Variants in CCDC91 observed in about 807,000 individuals in gnomAD.
The protein encoded by CCDC91 is coiled-coil domain containing 91.
In CCDC91, 48 loss-of-function variants were observed where a neutral mutation model predicts 63.2. The ratio of observed to expected loss-of-function variants is 0.76; its 90% CI spans 0.60 to 0.97. The LOEUF is 0.97. Among genes scored for constraint, CCDC91 ranks in the 50% least tolerant of loss-of-function variants. The pLI, the probability that CCDC91 is intolerant of heterozygous loss-of-function variation, is 0.00. For synonymous variants in CCDC91, 167 were observed against 165.8 expected (o/e 1.01, Z -0.06); for missense variants, 500 against 494.6 (o/e 1.01, Z -0.10).
At chr12:28,519,426 CTG>C (rs1048026487) in intron 12 of CCDC91, among the ~76,000 whole-genome samples, 3 of 151,902 alleles carry the variant, frequency 2.0e-5, no homozygotes, top group African/African-American at 4.8e-5. Flanking sequence ...GATCTGGAAA[CTG>C]TTGACTTTTG....
intron 12 of CCDC91, among the ~76,000 whole-genome samples, chr12:28,488,196 A>C (rs140421218): frequency 9.4e-4 from 143 of 151,946 alleles, no homozygotes; most frequent in African/African-American, 3.3e-3. Flanking sequence ...ACCAATTTTT[A>C]TGTGTGAAAT....
At chr12:28,405,617 A>G (rs1946888342) in intron 8 of CCDC91, among the ~76,000 whole-genome samples, 1 of 152,176 alleles carries the variant, frequency 6.6e-6, no homozygotes, top group Non-Finnish European at 1.5e-5. Flanking sequence ...GCCTCAGCTT[A>G]AAGGTACTCA....
chr12:28,411,490 T>G (rs1300280063), intron 8 of CCDC91, among the ~76,000 whole-genome samples: 3 of 152,152 alleles, frequency 2.0e-5, no homozygotes, highest in East Asian at 3.8e-4. Flanking sequence ...TCTATTATGT[T>G]TAGAGGAAAA....
chr12:28,266,596 C>T (rs192418386), intron 3 of CCDC91, among the ~76,000 whole-genome samples: 67 of 151,908 alleles, frequency 4.4e-4, no homozygotes, highest in Admixed American at 1.6e-3. Flanking sequence ...TTGTCTTTTT[C>T]GGTATCTTTT....
At chr12:28,203,629 G>A (rs1480615505) in intron 1 of CCDC91, among the ~76,000 whole-genome samples, 1 of 152,108 alleles carries the variant, frequency 6.6e-6, no homozygotes, top group African/African-American at 2.4e-5. Flanking sequence ...AATTTAGGGA[G>A]GTGTCTGCAG....
chr12:28,424,054 A>G (rs1421244920), intron 8 of CCDC91, among the ~76,000 whole-genome samples: 2 of 152,064 alleles, frequency 1.3e-5, no homozygotes, highest in Admixed American at 1.3e-4. Flanking sequence ...CAGCCTTCCA[A>G]GTAGCTGGGA....
At chr12:28,465,671 A>C (rs1950516010) in intron 11 of CCDC91, among the ~76,000 whole-genome samples, 1 of 152,154 alleles carries the variant, frequency 6.6e-6, no homozygotes, top group African/African-American at 2.4e-5. Flanking sequence ...GTTCCTTTCA[A>C]ATATTTGGAA....
chr12:28,434,469 A>C (rs568513917), intron 8 of CCDC91, among the ~76,000 whole-genome samples: 3 of 151,388 alleles, frequency 2.0e-5, no homozygotes, highest in African/African-American at 7.2e-5. Flanking sequence ...AACCCAGTTC[A>C]TTGTGACATA....
chr12:28,397,878 G>T (rs1247162232), intron 8 of CCDC91, among the ~76,000 whole-genome samples: 1 of 152,000 alleles, frequency 6.6e-6, no homozygotes, highest in Non-Finnish European at 1.5e-5. Context: ...CCTGGCTTTT[G>T]CCCATAATGC....
intron 12 of CCDC91, among the ~76,000 whole-genome samples, chr12:28,525,666 T>C (rs1365093933): frequency 6.6e-6 from 1 of 152,096 alleles, no homozygotes; most frequent in Non-Finnish European, 1.5e-5. Context: ...TGGCTTTCTG[T>C]CTTGATGACC....
chr12:28,304,038 G>A (rs1307937868), intron 3 of CCDC91, among the ~76,000 whole-genome samples: 1 of 151,960 alleles, frequency 6.6e-6, no homozygotes, highest in African/African-American at 2.4e-5. Context: ...GGGATACCAA[G>A]TACAAACATC....
intron 8 of CCDC91, chr12:28,412,904 G>A (rs1165072193): frequency 7.6e-5 from 30 of 396,804 alleles, no homozygotes; most frequent in Middle Eastern, 8.3e-4. Flanking sequence ...AAGTCCAGCT[G>A]GCCTCACCTC....
chr12:28,416,981 T>A (rs1373006554), intron 8 of CCDC91, among the ~76,000 whole-genome samples: 1 of 152,112 alleles, frequency 6.6e-6, no homozygotes, highest in Non-Finnish European at 1.5e-5. Context: ...GGTCTCTGGT[T>A]TCATCTTTTT....
chr12:28,200,847 G>A (rs1189576590), intron 1 of CCDC91, among the ~76,000 whole-genome samples: 1 of 151,756 alleles, frequency 6.6e-6, no homozygotes, highest in African/African-American at 2.4e-5. Context: ...CCCAGTAGGG[G>A]CGGCTGGGCA....
chr12:28,497,341 T>C (rs887246539), intron 12 of CCDC91, among the ~76,000 whole-genome samples: 2 of 151,630 alleles, frequency 1.3e-5, no homozygotes, highest in African/African-American at 4.8e-5. Flanking sequence ...AGCAGAGTAC[T>C]GTATCAAATT....
At chr12:28,524,848 T>C (rs1941114718) in intron 12 of CCDC91, among the ~76,000 whole-genome samples, 1 of 152,154 alleles carries the variant, frequency 6.6e-6, no homozygotes, top group South Asian at 2.1e-4. Flanking sequence ...TCCAGGAATT[T>C]ATCCATCTCC....
intron 7 of CCDC91, among the ~76,000 whole-genome samples, chr12:28,365,434 A>G (rs1344175100): frequency 6.6e-6 from 1 of 152,236 alleles, no homozygotes; most frequent in Non-Finnish European, 1.5e-5. Flanking sequence ...ACTCACAATA[A>G]CAAGAAAAGT....
intron 11 of CCDC91, among the ~76,000 whole-genome samples, chr12:28,457,422 G>A (rs1001677414): frequency 6.6e-6 from 1 of 150,412 alleles, no homozygotes; most frequent in African/African-American, 2.5e-5. Flanking sequence ...ATTAATAGCA[G>A]TTAATATCTT....
chr12:28,263,634 A>C (rs777310508), intron 3 of CCDC91, among the ~76,000 whole-genome samples: 1 of 152,042 alleles, frequency 6.6e-6, no homozygotes, highest in African/African-American at 2.4e-5. Context: ...ACTATTGCAA[A>C]TAATGCTGCT....
Sources: allele counts gnomAD v4.1 joint callset (sites outside exome capture counted in the v4.1 genomes callset), GRCh38; gene constraint gnomAD v4.1.1; transcripts MANE v1.5; gene names NCBI Gene and HGNC (gene_info 2026-07-23, HGNC 2026-07-21).